The following CSMD1 variants were observed in gnomAD, a reference collection of about 807,000 sequenced individuals.
CSMD1 encodes the protein CUB and Sushi multiple domains 1, also known as CUB and sushi domain-containing protein 1.
In CSMD1, 213 loss-of-function variants were observed where a neutral mutation model predicts 417.5. The ratio of observed to expected loss-of-function variants is 0.51; its 90% CI spans 0.46 to 0.57. The LOEUF (loss-of-function observed/expected upper bound fraction) is 0.57, where lower values mean the gene tolerates loss of function less well. CSMD1 is among the 20% of genes least tolerant of loss of function. The probability of loss-of-function intolerance (pLI) is 0.00; values close to 1 mark genes in which losing one functional copy is unlikely to be tolerated. For synonymous variants in CSMD1, 2,862 were observed against 1,736.8 expected (o/e 1.65, Z -16.11); for missense variants, 6,923 against 4,529.7 (o/e 1.53, Z -15.17).
Position 4,032,603 on chromosome 8 carries a change from G to C in CSMD1, c.416-504C>G, listed in dbSNP as rs933046282. Among the ~76,000 whole-genome samples, 3 of 152,102 alleles carry C rather than the reference G, an allele frequency of 2.0e-5. No individual in the cohort carries two copies. In the South Asian group the frequency reaches 6.2e-4, roughly 32 times the overall value. On this transcript the variant is annotated intron_variant, in intron 3 of 69. Transcript: ENST00000635120. ...CGCTCAATCAACATTTGATGGATAA[G>C]CAATTGAATTAAATAATAAATTAGA... is the stretch of plus-strand genomic sequence containing the variant.
chr8:3,978,783 G>A (rs1407547577), intron 5 of CSMD1, among the ~76,000 whole-genome samples: 1 of 152,118 alleles, frequency 6.6e-6, no homozygotes, highest in Non-Finnish European at 1.5e-5. Flanking sequence ...GCTTTTAAGG[G>A]AAAGCAGCTT....
intron 3 of CSMD1, among the ~76,000 whole-genome samples, chr8:4,252,320 A>G (rs1156516081): frequency 6.6e-6 from 1 of 152,212 alleles, no homozygotes; most frequent in Non-Finnish European, 1.5e-5. Flanking sequence ...TGCAACACAT[A>G]TCTCTACAAT....
At chr8:4,760,438 G>T (rs1408598590) in intron 1 of CSMD1, among the ~76,000 whole-genome samples, 1 of 152,084 alleles carries the variant, frequency 6.6e-6, no homozygotes, top group Non-Finnish European at 1.5e-5. Context: ...AAGAGTCCAT[G>T]GCATTTCCTA....
At chr8:4,611,591 C>T (rs766800347) in intron 2 of CSMD1, among the ~76,000 whole-genome samples, 7 of 152,290 alleles carry the variant, frequency 4.6e-5, no homozygotes, top group Non-Finnish European at 1.0e-4. Flanking sequence ...CTCACCTCAC[C>T]AGAAGATGAA....
chr8:3,651,286 G>A (rs894020625), intron 7 of CSMD1, among the ~76,000 whole-genome samples: 2 of 152,118 alleles, frequency 1.3e-5, no homozygotes, highest in Non-Finnish European at 2.9e-5. Flanking sequence ...TTCACCTTGA[G>A]TAAAAGCCCA....
At chr8:4,263,056 C>G (rs1803994710) in intron 3 of CSMD1, among the ~76,000 whole-genome samples, 1 of 152,062 alleles carries the variant, frequency 6.6e-6, no homozygotes, top group Non-Finnish European at 1.5e-5. Context: ...ATTGTATTCT[C>G]TATGAGAACA....
At chr8:4,444,690 A>G (rs1481172446) in intron 2 of CSMD1, among the ~76,000 whole-genome samples, 1 of 152,182 alleles carries the variant, frequency 6.6e-6, no homozygotes, top group African/African-American at 2.4e-5. Flanking sequence ...AACATCAAAA[A>G]GCAGGGTCAC....
chr8:4,220,895 G>T (rs1563294875), intron 3 of CSMD1, among the ~76,000 whole-genome samples: 1 of 152,176 alleles, frequency 6.6e-6, no homozygotes, highest in African/African-American at 2.4e-5. Context: ...CTGGATGTGG[G>T]AGGAATAAGT....
intron 3 of CSMD1, among the ~76,000 whole-genome samples, chr8:4,403,189 AAAGATATT>A (rs1298983041): frequency 1.3e-5 from 2 of 152,144 alleles, no homozygotes; most frequent in East Asian, 3.9e-4. Context: ...CTGATTACTG[AAAGATATT>A]ACTCAACCAA....
At chr8:4,635,672 C>A (rs1387627521) in intron 2 of CSMD1, among the ~76,000 whole-genome samples, 1 of 151,978 alleles carries the variant, frequency 6.6e-6, no homozygotes, top group Non-Finnish European at 1.5e-5. Flanking sequence ...GTTTTTATTA[C>A]CATTATAATA....
At chr8:4,487,952 C>T (rs912049456) in intron 2 of CSMD1, among the ~76,000 whole-genome samples, 9 of 152,092 alleles carry the variant, frequency 5.9e-5, no homozygotes, top group Non-Finnish European at 1.0e-4. Flanking sequence ...TGAATGTTTG[C>T]GTCCCTCCGA....
chr8:3,244,028 G>C (rs1029324495), intron 26 of CSMD1, among the ~76,000 whole-genome samples: 9 of 152,148 alleles, frequency 5.9e-5, no homozygotes, highest in African/African-American at 1.9e-4. Context: ...TAGATAAAAT[G>C]CTTCTCACAT....
At chr8:3,876,545 C>T (rs898021155) in intron 5 of CSMD1, among the ~76,000 whole-genome samples, 2 of 152,054 alleles carry the variant, frequency 1.3e-5, no homozygotes, top group African/African-American at 4.8e-5. Flanking sequence ...CATATTTATT[C>T]CTAAAAAATT....
At chr8:4,661,900 C>G (rs552297064) in intron 1 of CSMD1, among the ~76,000 whole-genome samples, 2 of 152,084 alleles carry the variant, frequency 1.3e-5, no homozygotes, top group Admixed American at 6.6e-5. Context: ...CAAGAATATA[C>G]GTAAATCACA....
Position 4,967,750 on chromosome 8 carries a change from ACTT to A in CSMD1, c.85+26579_85+26581del, listed in dbSNP as rs762767850. Among the ~76,000 whole-genome samples, 11 of 152,254 alleles carry A rather than the reference ACTT, an allele frequency of 7.2e-5. No homozygotes were observed. In the Middle Eastern group the frequency reaches 0.01, roughly 141 times the overall value. On this transcript the variant is annotated intron_variant, in intron 1 of 69. Transcript: ENST00000635120. ...CATAGCATTAGTTCATCAATAATGA[ACTT>A]CTTGTGTCATGTGACTTACGTAGCT...
At chr8:3,402,555 T>C (rs1173450280) in intron 15 of CSMD1, among the ~76,000 whole-genome samples, 1 of 152,178 alleles carries the variant, frequency 6.6e-6, no homozygotes, top group Non-Finnish European at 1.5e-5. Context: ...GTGCCTGGCA[T>C]CCAGAAAATT....
rs117146289 is a variant in CSMD1, at chr8:3,357,438, G to T, written c.3304+1714C>A. Reference sequence around the variant, plus strand: ...CTAAACACGTTATTACATGGAAGGAGCCTGAAGCAGTGCCTAGTCTACCAC... The same window carrying T: ...CTAAACACGTTATTACATGGAAGGATCCTGAAGCAGTGCCTAGTCTACCAC... On this transcript the variant is annotated intron_variant, in intron 21 of 69. Transcript: ENST00000635120. 2.7e-3 allele frequency among the ~76,000 whole-genome samples: 406 copies of T among 152,338 alleles called. 3 individuals are homozygous for T. Among genetic ancestry groups the T allele is most frequent in the Non-Finnish European group, 4.4e-3 (301 of 68,026 alleles).
chr8:3,545,256 C>T (rs922792), intron 10 of CSMD1, among the ~76,000 whole-genome samples: 64,602 of 151,944 alleles, frequency 0.43, 13,923 homozygotes, highest in East Asian at 0.52. Flanking sequence ...ATGAACTTTT[C>T]TGATTTAAAG....
intron 31 of CSMD1, among the ~76,000 whole-genome samples, chr8:3,203,197 G>A (rs538355196): frequency 7.1e-4 from 108 of 152,320 alleles, no homozygotes; most frequent in Middle Eastern, 3.4e-3. Flanking sequence ...AACGTGTTTG[G>A]TAATTTCCAA....
Sources: gnomAD v4.1 joint callset for allele counts (sites outside exome capture counted in the v4.1 genomes callset) on GRCh38, gnomAD v4.1.1 for gene constraint, MANE v1.5 for transcripts, NCBI Gene and HGNC (gene_info 2026-07-23, HGNC 2026-07-21) for gene names.